The following CNTNAP5 variants were observed in gnomAD, a reference collection of about 807,000 sequenced individuals.
The protein encoded by CNTNAP5 is contactin associated protein family member 5.
In CNTNAP5, 72 loss-of-function variants were observed where a neutral mutation model predicts 150.2. That is an observed-to-expected ratio of 0.48 (90% CI 0.40 to 0.58). The LOEUF (loss-of-function observed/expected upper bound fraction) is 0.58, where lower values mean the gene tolerates loss of function less well. Among genes scored for constraint, CNTNAP5 ranks in the 20% least tolerant of loss-of-function variants. The probability of loss-of-function intolerance (pLI) is 0.00; values close to 1 mark genes in which losing one functional copy is unlikely to be tolerated. For missense variants in CNTNAP5, 1,636 were observed against 1,626.2 expected (o/e 1.01, Z -0.10); for synonymous variants, 672 against 619.8 (o/e 1.08, Z -1.25).
At chr2:124,100,313 G>T (rs1683034722) in intron 1 of CNTNAP5, among the ~76,000 whole-genome samples, 1 of 152,068 alleles carries the variant, frequency 6.6e-6, no homozygotes, top group Non-Finnish European at 1.5e-5. Flanking sequence ...CTCCCACAAG[G>T]CTCTACCTCC....
chr2:124,578,207 G>A (rs528101481), intron 11 of CNTNAP5, among the ~76,000 whole-genome samples: 11 of 148,884 alleles, frequency 7.4e-5, no homozygotes, highest in Admixed American at 6.7e-4. Context: ...GCAGGCACCT[G>A]TAATCCCAGC....
At chr2:124,797,337 AT>A (rs1395857654) in intron 18 of CNTNAP5, among the ~76,000 whole-genome samples, 1 of 152,238 alleles carries the variant, frequency 6.6e-6, no homozygotes, top group East Asian at 1.9e-4. Flanking sequence ...CACTAAATGA[AT>A]TTTATCAGTT....
At position 124,803,403 on chromosome 2, in the gene CNTNAP5, G is replaced by A. The variant is rs1682013304; in HGVS notation, c.3217+5083G>A. Among the ~76,000 whole-genome samples the A allele has an allele frequency of 2.0e-5, 3 of 152,104 alleles. No homozygotes were observed. The South Asian group carries it at 6.2e-4, about 32-fold the overall frequency. ...CACATTGCAGTTGAAATCTATATAT[G>A]TGTTATGATCAATTTCTGTTTCTAT... On this transcript the variant is annotated intron_variant, in intron 19 of 23. Transcript: ENST00000682447.
chr2:124,875,004 A>G (rs942699067), intron 21 of CNTNAP5, among the ~76,000 whole-genome samples: 2 of 152,058 alleles, frequency 1.3e-5, no homozygotes, highest in African/African-American at 4.8e-5. Flanking sequence ...AAGATGCATA[A>G]AATTTACAGC....
At chr2:124,126,603 C>T (rs1365377779) in intron 1 of CNTNAP5, among the ~76,000 whole-genome samples, 1 of 149,692 alleles carries the variant, frequency 6.7e-6, no homozygotes, top group African/African-American at 2.4e-5. Flanking sequence ...AGAGACACAA[C>T]AAAAAAAGAG....
At chr2:124,367,034 A>G (rs952172664) in intron 3 of CNTNAP5, among the ~76,000 whole-genome samples, 12 of 152,220 alleles carry the variant, frequency 7.9e-5, no homozygotes, top group Non-Finnish European at 1.3e-4. Context: ...GGTTTATGTC[A>G]TGTCTATGTA....
chr2:124,040,188 T>C lies in CNTNAP5; in HGVS notation c.82+14456T>C, dbSNP rs996323105. 2.0e-5 allele frequency among the ~76,000 whole-genome samples: 3 copies of C among 152,330 alleles called. No homozygotes were observed. The East Asian group carries it at 5.8e-4, about 29-fold the overall frequency. ...AATCATTCTTTGCATTCTGATTTAC[T>C]GTGGTTATTTTTATACCTCTTTCAC... On this transcript the variant is annotated intron_variant, in intron 1 of 23. Transcript: ENST00000682447.
chr2:124,740,143 T>A (rs972774173), intron 13 of CNTNAP5, among the ~76,000 whole-genome samples: 7 of 150,770 alleles, frequency 4.6e-5, no homozygotes, highest in African/African-American at 1.5e-4. Flanking sequence ...AATATTTAAT[T>A]TACATATAAT....
chr2:124,556,434 GA>G (rs893472586), intron 10 of CNTNAP5, among the ~76,000 whole-genome samples: 18 of 151,708 alleles, frequency 1.2e-4, no homozygotes, highest in East Asian at 9.7e-4. Flanking sequence ...GAATAGGAAG[GA>G]AAAAAAAGTT....
chr2:124,420,259 G>A (rs1475850988), intron 4 of CNTNAP5, among the ~76,000 whole-genome samples: 1 of 151,928 alleles, frequency 6.6e-6, no homozygotes, highest in Non-Finnish European at 1.5e-5. Flanking sequence ...AAAGTGCTGG[G>A]ATTACAGGGG....
chr2:124,165,059 A>T (rs1684779603), intron 1 of CNTNAP5, among the ~76,000 whole-genome samples: 1 of 152,170 alleles, frequency 6.6e-6, no homozygotes, highest in African/African-American at 2.4e-5. Context: ...GTCTGTGTAC[A>T]TGTGGATAAA....
chr2:124,617,269 T>C (rs939017791), intron 12 of CNTNAP5, among the ~76,000 whole-genome samples: 5 of 152,182 alleles, frequency 3.3e-5, no homozygotes, highest in African/African-American at 7.2e-5. Context: ...AAACAAGCTA[T>C]GCTTGAACCA....
At chr2:124,397,964 T>C (rs1259501752) in intron 3 of CNTNAP5, among the ~76,000 whole-genome samples, 1 of 152,240 alleles carries the variant, frequency 6.6e-6, no homozygotes, top group Non-Finnish European at 1.5e-5. Flanking sequence ...AATAATTTCA[T>C]GATAACTGAT....
At chr2:124,586,931 A>G (rs1348304187) in intron 11 of CNTNAP5, among the ~76,000 whole-genome samples, 2 of 152,180 alleles carry the variant, frequency 1.3e-5, no homozygotes, top group Non-Finnish European at 2.9e-5. Flanking sequence ...TGTGAAGGGG[A>G]AAATACGCAG....
chr2:124,785,496 G>A (rs888971432), intron 17 of CNTNAP5, among the ~76,000 whole-genome samples: 1 of 152,240 alleles, frequency 6.6e-6, no homozygotes, highest in Non-Finnish European at 1.5e-5. Context: ...ATGAGTTCAG[G>A]TGTGCATGTC....
At chr2:124,810,837 T>C (rs1054045079) in intron 19 of CNTNAP5, among the ~76,000 whole-genome samples, 31 of 152,032 alleles carry the variant, frequency 2.0e-4, no homozygotes, top group Admixed American at 1.7e-3. Flanking sequence ...CATTTTTCAT[T>C]GTCAAGATGG....
At chr2:124,270,546 G>A (rs2104612040) in intron 3 of CNTNAP5, among the ~76,000 whole-genome samples, 1 of 152,300 alleles carries the variant, frequency 6.6e-6, no homozygotes, top group East Asian at 1.9e-4. Flanking sequence ...AGACGGGCCA[G>A]GGTCACGTCT....
At chr2:124,729,726 A>G (rs1680231019) in intron 13 of CNTNAP5, among the ~76,000 whole-genome samples, 1 of 152,080 alleles carries the variant, frequency 6.6e-6, no homozygotes, top group South Asian at 2.1e-4. Context: ...GAGTAACCAG[A>G]TACTCAAGAT....
intron 10 of CNTNAP5, among the ~76,000 whole-genome samples, chr2:124,546,942 G>T (rs770651969): frequency 6.6e-6 from 1 of 152,128 alleles, no homozygotes; most frequent in East Asian, 1.9e-4. Flanking sequence ...AGTCCAGCAC[G>T]CTGAGTCCAG....
Sources: allele counts gnomAD v4.1 joint callset (sites outside exome capture counted in the v4.1 genomes callset), GRCh38; gene constraint gnomAD v4.1.1; transcripts MANE v1.5; gene names NCBI Gene and HGNC (gene_info 2026-07-23, HGNC 2026-07-21).